LMO2: variants seen among roughly 807,000 people sequenced by gnomAD.
LMO2 encodes the protein LIM domain only 2.
A neutral mutation model predicts 23.2 loss-of-function variants in LMO2; 20 were observed. The observed-to-expected ratio is 0.86, with a 90% CI of 0.61 to 1.25. The LOEUF (loss-of-function observed/expected upper bound fraction) is 1.25. LMO2 is among the 50% of genes most tolerant of loss of function. The pLI is 0.00. For missense variants in LMO2, 270 were observed against 315.3 expected (o/e 0.86, Z 1.09); for synonymous variants, 123 against 130.2 (o/e 0.94, Z 0.38).
At chr11:33,881,294 TAACA>T (rs2133712816) in intron 2 of LMO2, 1 of 456,902 alleles carries the variant, frequency 2.2e-6, no homozygotes, top group Non-Finnish European at 4.4e-6. Flanking sequence ...GAAGAGCTAT[TAACA>T]AATATTCCAT....
In LMO2 at chr11:33,889,602, G is replaced by A. The variant is rs565022832; in HGVS notation, c.-336+2193C>T. Among the ~76,000 whole-genome samples, 12 of 152,306 alleles carry A rather than the reference G, an allele frequency of 7.9e-5. 1 individual carries two copies. The South Asian group carries it at 2.1e-3, about 26-fold the overall frequency. ...ATGTGCCAAACACTCCTAGGCTCTT[G>A]TTATAAAACAATGAAGAAAAGAGAC... On this transcript the variant is annotated intron_variant, in intron 1 of 5. Transcript: ENST00000257818.
chr11:33,871,596 T>G (rs202067835), intron 2 of LMO2, among the ~76,000 whole-genome samples: 58 of 52,530 alleles, frequency 1.1e-3, no homozygotes, highest in African/African-American at 3.8e-3. Context: ...AAAAGTTGGG[T>G]TTTTTTTTTT....
chr11:33,886,119 C>T (rs866685681), intron 1 of LMO2, among the ~76,000 whole-genome samples: 1 of 152,172 alleles, frequency 6.6e-6, no homozygotes, highest in Non-Finnish European at 1.5e-5. Flanking sequence ...TTCAGGTGAT[C>T]CACCTGCCTT....
chr11:33,878,351 T>C (rs946100955), intron 2 of LMO2, among the ~76,000 whole-genome samples: 13 of 152,222 alleles, frequency 8.5e-5, no homozygotes, highest in African/African-American at 3.1e-4. Flanking sequence ...CTCCCTGTTC[T>C]AAAGCTTTGG....
At chr11:33,862,881 GGCA>G (rs1320234517) in intron 5 of LMO2, among the ~76,000 whole-genome samples, 1 of 151,988 alleles carries the variant, frequency 6.6e-6, no homozygotes, top group African/African-American at 2.4e-5. Flanking sequence ...CTAGGAATGT[GGCA>G]GGGAGAAGAA....
chr11:33,871,983 G>A (rs530444043), intron 2 of LMO2, among the ~76,000 whole-genome samples: 1 of 152,180 alleles, frequency 6.6e-6, no homozygotes, highest in African/African-American at 2.4e-5. Flanking sequence ...CAGTATCCTG[G>A]CCGGGCTCGG....
At chr11:33,876,851 A>T (rs896723010) in intron 2 of LMO2, among the ~76,000 whole-genome samples, 1 of 152,240 alleles carries the variant, frequency 6.6e-6, no homozygotes, top group African/African-American at 2.4e-5. Flanking sequence ...CAGTTTCATC[A>T]TGTGCAAAAC....
intron 1 of LMO2, among the ~76,000 whole-genome samples, chr11:33,886,842 C>T (rs11032437): frequency 0.021 from 3,165 of 152,306 alleles, 107 homozygotes; most frequent in African/African-American, 0.072. Flanking sequence ...ACAAGCTTAA[C>T]ATTAGCCAGC....
chr11:33,885,699 C>G (rs1357189401), intron 1 of LMO2, among the ~76,000 whole-genome samples: 1 of 152,194 alleles, frequency 6.6e-6, no homozygotes, highest in Non-Finnish European at 1.5e-5. Context: ...GGTGGCCACC[C>G]TTTTCAGGTA....
Position 33,869,479 on chromosome 11 carries a change from G to C in LMO2, c.115C>G (p.Arg39Gly), listed in dbSNP as rs1590639344. 8 of 1,206,810 alleles carry C rather than the reference G, an allele frequency of 6.6e-6. No individual in the cohort carries two copies. Among genetic ancestry groups the C allele is most frequent in the East Asian group, 7.7e-5 (2 of 26,056 alleles). The allele number at this position is 1,206,810 out of a possible 1,614,324, so 74.8% of individuals were successfully genotyped here. A position where few individuals can be genotyped will look rare whatever the true frequency, so the allele number is the denominator to read the frequency against. Residue 39 changes from arginine to glycine, a missense_variant, in exon 4 of 6, where the codon CGA becomes GGA. By Grantham distance (125) the Arg-to-Gly change is moderately radical. Around this residue, in one of 2 missense-constraint regions of LMO2, gnomAD observed 170 missense variants for 162.0 expected, o/e 1.05. Coordinates refer to ENST00000257818, the MANE Select transcript of LMO2 (RefSeq NM_005574.4). ...GGGGCTCGGACCCCCTCGGGTGCTCGGGCGCCGCCGCCGCCGCCGCCGTCG... is the reference window on the plus strand; with the variant it reads ...GGGGCTCGGACCCCCTCGGGTGCTCCGGCGCCGCCGCCGCCGCCGCCGTCG... ...GGDGGGGGGA[R>G]APEGVRAPAA...
rs966793702 is a variant in LMO2, at chr11:33,866,820, T to A, written c.249-2003A>T. On this transcript the variant is annotated intron_variant, in intron 4 of 5. Coordinates refer to ENST00000257818, the MANE Select transcript of LMO2 (RefSeq NM_005574.4). ...ACCACCAGGCCCAGCTAATTTTTTT[T>A]ATTTTAAGTAGAGACGAGGTTTCAT... 4.4e-4 allele frequency among the ~76,000 whole-genome samples: 67 copies of A among 152,230 alleles called. 2 individuals carry two copies. The highest frequency in any genetic ancestry group is 7.3e-5 in the Non-Finnish European group (5 of 68,048).
Position 33,869,578 on chromosome 11 carries a change from C to T in LMO2, c.16G>A (p.Val6Met). 7.7e-7 allele frequency: 1 copy of T among 1,300,416 alleles called. No individual in the cohort carries two copies. The highest frequency in any genetic ancestry group is 9.9e-7 in the Non-Finnish European group (1 of 1,012,470). 80.6% of individuals were successfully genotyped at this position (1,300,416 alleles called of 1,614,324 possible). A position where few individuals can be genotyped will look rare whatever the true frequency, so the allele number is the denominator to read the frequency against. ...GCCCCTCCGCGCTCAAGGACAGTCACCGCGCTCCCTTCAAACGCCAAAGAG... is the reference window on the plus strand; with the variant it reads ...GCCCCTCCGCGCTCAAGGACAGTCATCGCGCTCCCTTCAAACGCCAAAGAG... The part of the protein sequence containing the change: MEGSA[V>M]TVLERGGASS... Residue 6 changes from valine to methionine, a missense_variant, in exon 4 of 6, where the codon GTG (valine) becomes ATG (methionine). Physicochemically the swap from Val to Met is conservative, Grantham distance 21. Coordinates refer to ENST00000257818, the MANE Select transcript of LMO2 (RefSeq NM_005574.4).
intron 2 of LMO2, among the ~76,000 whole-genome samples, chr11:33,873,887 G>A (rs1857079577): frequency 6.6e-6 from 1 of 152,050 alleles, no homozygotes; most frequent in South Asian, 2.1e-4. Context: ...AGTGACTAAG[G>A]TTACATTCCT....
chr11:33,875,435 A>G (rs1857113802), intron 2 of LMO2, among the ~76,000 whole-genome samples: 1 of 152,012 alleles, frequency 6.6e-6, no homozygotes, highest in Admixed American at 6.6e-5. Flanking sequence ...AAAACTAGCC[A>G]AGCGAGGTGG....
At chr11:33,863,713 C>T (rs1482023072) in intron 5 of LMO2, among the ~76,000 whole-genome samples, 13 of 152,226 alleles carry the variant, frequency 8.5e-5, no homozygotes, top group African/African-American at 2.2e-4. Context: ...CTGGAAAATT[C>T]GGATGGCCAA....
chr11:33,871,883 C>T (rs1362087175), intron 2 of LMO2, among the ~76,000 whole-genome samples: 2 of 151,990 alleles, frequency 1.3e-5, no homozygotes, highest in East Asian at 1.9e-4. Flanking sequence ...AGGCAGTATG[C>T]GGTAGTAGCT....
intron 4 of LMO2, among the ~76,000 whole-genome samples, chr11:33,869,127 G>A (rs1031178223): frequency 3.3e-5 from 5 of 152,174 alleles, no homozygotes; most frequent in African/African-American, 4.8e-5. Flanking sequence ...AGAGGCGCCG[G>A]GCCGACCCCT....
intron 5 of LMO2, among the ~76,000 whole-genome samples, chr11:33,863,210 A>C (rs1359082483): frequency 2.2e-5 from 3 of 136,332 alleles, no homozygotes; most frequent in Admixed American, 1.6e-4. Flanking sequence ...GTATTTATCC[A>C]AGTTCTATTT....
intron 2 of LMO2, chr11:33,881,549 C>T (rs774736670): frequency 1.6e-5 from 6 of 365,046 alleles, no homozygotes; most frequent in South Asian, 4.1e-5. Context: ...ACCCTGAAAA[C>T]GTCCACTTGG....
Sources: gnomAD v4.1 joint callset for allele counts (sites outside exome capture counted in the v4.1 genomes callset) on GRCh38, gnomAD v4.1.1 for gene constraint, gnomAD v4.1.1 regional missense constraint, MANE v1.5 for transcripts, NCBI Gene and HGNC (gene_info 2026-07-23, HGNC 2026-07-21) for gene names.